SCN11A: variants seen among roughly 807,000 people sequenced by gnomAD.
The protein encoded by SCN11A is sodium channel protein type 11 subunit alpha.
SCN11A carries 122 observed loss-of-function variants against 162.2 expected under a neutral mutation model. The observed-to-expected ratio is 0.75, with a 90% CI of 0.65 to 0.87. SCN11A has a LOEUF of 0.87. Among genes scored for constraint, SCN11A ranks in the 40% least tolerant of loss-of-function variants. The pLI is 0.00. For missense variants in SCN11A, 2,015 were observed against 2,181.6 expected, an observed-to-expected ratio of 0.92 and a Z score of 1.52; for synonymous variants, 758 against 751.5, an observed-to-expected ratio of 1.01 and a Z score of -0.14.
At chr3:38,934,397 A>G (rs887380553) in intron 7 of SCN11A, among the ~76,000 whole-genome samples, 5 of 152,062 alleles carry the variant, frequency 3.3e-5, no homozygotes, top group African/African-American at 9.7e-5. Context: ...ATGTAAATGG[A>G]CTAAATGCTC....
chr3:38,853,446 T>C (rs773334993), intron 28 of SCN11A, among the ~76,000 whole-genome samples: 4 of 152,208 alleles, frequency 2.6e-5, no homozygotes, highest in Non-Finnish European at 4.4e-5. Flanking sequence ...CCTCCCCAAA[T>C]ATAATTTTAT....
intron 2 of SCN11A, among the ~76,000 whole-genome samples, chr3:38,970,864 G>A (rs2066812283): frequency 6.6e-6 from 1 of 152,200 alleles, no homozygotes; most frequent in Non-Finnish European, 1.5e-5. Context: ...AGGAGGGGCA[G>A]GTGTGGATGC....
chr3:39,017,378 T>C (rs988039723), intron 2 of SCN11A, among the ~76,000 whole-genome samples: 1 of 151,670 alleles, frequency 6.6e-6, no homozygotes, highest in African/African-American at 2.4e-5. Flanking sequence ...ATTTTCTCAC[T>C]TACATTGTTT....
chr3:38,888,812 C>T (rs966400370), intron 19 of SCN11A, among the ~76,000 whole-genome samples: 3 of 152,096 alleles, frequency 2.0e-5, no homozygotes, highest in African/African-American at 7.2e-5. Flanking sequence ...GACCTCTCCC[C>T]CCATCCCTTC....
chr3:38,915,692 G>C (rs1434066513), intron 11 of SCN11A, among the ~76,000 whole-genome samples: 2 of 151,742 alleles, frequency 1.3e-5, no homozygotes, highest in South Asian at 2.1e-4. Flanking sequence ...TGGTTCTTTT[G>C]CATTTGCTGA....
intron 3 of SCN11A, among the ~76,000 whole-genome samples, chr3:38,956,070 C>T (rs144759153): frequency 1.5e-4 from 23 of 152,150 alleles, no homozygotes; most frequent in African/African-American, 5.1e-4. Flanking sequence ...CATGGTGAAA[C>T]TTCATCTTTA....
intron 18 of SCN11A, among the ~76,000 whole-genome samples, chr3:38,896,319 T>G (rs543117406): frequency 6.6e-6 from 1 of 152,250 alleles, no homozygotes; most frequent in South Asian, 2.1e-4. Context: ...TCTCAATTCG[T>G]GCAAACAGGA....
chr3:39,005,887 G>A (rs2030958632), intron 2 of SCN11A, among the ~76,000 whole-genome samples: 1 of 151,582 alleles, frequency 6.6e-6, no homozygotes, highest in Non-Finnish European at 1.5e-5. Flanking sequence ...GTTTTGTTTT[G>A]TTTTTCTTAC....
chr3:38,987,196 T>C (rs1231433339), intron 2 of SCN11A, among the ~76,000 whole-genome samples: 1 of 152,072 alleles, frequency 6.6e-6, no homozygotes, highest in African/African-American at 2.4e-5. Flanking sequence ...TTTCCTGTCC[T>C]GTCCTGTCCT....
chr3:38,909,188 G>A lies in SCN11A; in HGVS notation c.1108C>T (p.Arg370Cys), dbSNP rs368754860. 12 of 1,613,660 alleles carry A rather than the reference G, an allele frequency of 7.4e-6. No individual in the cohort carries two copies. Among genetic ancestry groups the A allele is most frequent in the African/African-American group, 5.3e-5 (4 of 74,902 alleles). The part of the protein sequence containing the change: ...SWEKLYQQTL[R>C]TTGLYSVFFF... ...AAGACTGAGTAGAGCCCAGTAGTAC[G>A]CAGGGTCTGCAAAGGACAGAGCATG... Residue 370 changes from arginine (R) to cysteine (C), a missense_variant, in exon 13 of 30, where the codon CGT becomes TGT. Arg to Cys is a radical substitution (Grantham distance 180). Transcript: ENST00000302328.
chr3:38,927,470 A>G (rs1383994583), intron 7 of SCN11A, among the ~76,000 whole-genome samples: 1 of 152,186 alleles, frequency 6.6e-6, no homozygotes, highest in Non-Finnish European at 1.5e-5. Context: ...TCTAAAATTC[A>G]TATGGAATTT....
chr3:39,010,607 T>C (rs956258164), intron 2 of SCN11A, among the ~76,000 whole-genome samples: 2 of 152,158 alleles, frequency 1.3e-5, no homozygotes, highest in Non-Finnish European at 2.9e-5. Context: ...CTTGATCTCC[T>C]GACCTCATGA....
chr3:38,894,477 C>A (rs2065552646), intron 19 of SCN11A, 56 bp downstream of exon 19: 1 of 1,402,718 alleles, frequency 7.1e-7, no homozygotes, highest in Non-Finnish European at 9.8e-7. Flanking sequence ...GCTACCAGTG[C>A]CCTGTGATAA....
chr3:38,926,489 T>C (rs1165751140), intron 8 of SCN11A, among the ~76,000 whole-genome samples: 1 of 136,458 alleles, frequency 7.3e-6, no homozygotes, highest in East Asian at 2.1e-4. Context: ...AACCATGTCT[T>C]TTTTTTTTTT....
At chr3:38,872,152 T>A (rs2065137678) in intron 24 of SCN11A, 41 bp downstream of exon 24, 2 of 1,166,266 alleles carry the variant, frequency 1.7e-6, no homozygotes, top group East Asian at 4.7e-5. Flanking sequence ...TCCACCTTTC[T>A]CTGTTAACTG....
At chr3:39,050,418 C>T (rs975363098) in intron 1 of SCN11A, among the ~76,000 whole-genome samples, 3 of 152,176 alleles carry the variant, frequency 2.0e-5, no homozygotes, top group African/African-American at 7.2e-5. Context: ...TAATATAGTG[C>T]CTGGCATATA....
At chr3:39,027,660 C>G (rs950183649) in intron 2 of SCN11A, among the ~76,000 whole-genome samples, 6 of 152,192 alleles carry the variant, frequency 3.9e-5, no homozygotes, top group Non-Finnish European at 8.8e-5. Context: ...ACTGGGGAGG[C>G]TGTTTACCCC....
intron 2 of SCN11A, among the ~76,000 whole-genome samples, chr3:39,012,653 G>A (rs1397889968): frequency 2.0e-5 from 3 of 151,808 alleles, no homozygotes; most frequent in East Asian, 1.9e-4. Flanking sequence ...GCTAATTTTT[G>A]TATTAGAGAC....
At chr3:39,009,651 G>A (rs893755739) in intron 2 of SCN11A, among the ~76,000 whole-genome samples, 3 of 145,484 alleles carry the variant, frequency 2.1e-5, no homozygotes, top group Non-Finnish European at 4.5e-5. Flanking sequence ...CAGCTGAAAA[G>A]AGTGTGTACA....
Sources: gnomAD v4.1 joint callset for allele counts (sites outside exome capture counted in the v4.1 genomes callset) on GRCh38, gnomAD v4.1.1 for gene constraint, MANE v1.5 for transcripts, NCBI Gene and HGNC (gene_info 2026-07-23, HGNC 2026-07-21) for gene names.